The following ZNF326 variants were observed in gnomAD, a reference collection of about 807,000 sequenced individuals.
The protein encoded by ZNF326 is zinc finger protein 326.
A neutral mutation model predicts 63.1 loss-of-function variants in ZNF326; 30 were observed. The ratio of observed to expected loss-of-function variants is 0.48; its 90% confidence interval spans 0.36 to 0.64. The LOEUF is 0.64. ZNF326 is among the 30% of genes least tolerant of loss of function. The pLI is 0.00. For missense variants in ZNF326, 609 were observed against 720.3 expected, an observed-to-expected ratio of 0.85 and a Z score of 1.77; for synonymous variants, 194 against 228.2, an observed-to-expected ratio of 0.85 and a Z score of 1.35.
intron 6 of ZNF326, 27 bp downstream of exon 6, chr1:90,010,313 A>T: frequency 6.3e-7 from 1 of 1,593,564 alleles, no homozygotes; most frequent in Non-Finnish European, 8.5e-7. Context: ...AATTGCTATG[A>T]TTCAGGATAC....
intron 7 of ZNF326, among the ~76,000 whole-genome samples, chr1:90,017,028 C>T (rs1031681105): frequency 7.2e-5 from 11 of 152,100 alleles, no homozygotes; most frequent in Non-Finnish European, 1.3e-4. Flanking sequence ...TTTGTTTTGC[C>T]TTTTTAATTG....
intron 1 of ZNF326, among the ~76,000 whole-genome samples, chr1:89,997,181 T>C (rs1648419821): frequency 6.6e-6 from 1 of 152,238 alleles, no homozygotes; most frequent in Non-Finnish European, 1.5e-5. Context: ...AGGATTCTGT[T>C]GTATCCAGAT....
intron 7 of ZNF326, 111 bp downstream of exon 7, chr1:90,013,348 G>A: frequency 2.5e-6 from 2 of 811,992 alleles, no homozygotes; most frequent in Admixed American, 3.7e-5. Context: ...GAAAAGACTT[G>A]TTCAAAGATA....
chr1:90,008,925 A>AT (rs1649114720), intron 5 of ZNF326, among the ~76,000 whole-genome samples: 1 of 152,196 alleles, frequency 6.6e-6, no homozygotes, highest in Admixed American at 6.5e-5. Flanking sequence ...TGAGCATAGT[A>AT]TACAAATGTA....
At chr1:89,998,063 A>T in intron 1 of ZNF326, 47 bp from the exon 2 acceptor site, 1 of 1,553,238 alleles carries the variant, frequency 6.4e-7, no homozygotes, top group Non-Finnish European at 8.8e-7. Context: ...ATTTTGAATT[A>T]TTGCTAATAT....
At chr1:90,016,819 C>T (rs1649525238) in intron 7 of ZNF326, among the ~76,000 whole-genome samples, 1 of 152,106 alleles carries the variant, frequency 6.6e-6, no homozygotes, top group African/African-American at 2.4e-5. Context: ...TTGTCCAGTC[C>T]AGGCCTATTA....
intron 4 of ZNF326, chr1:90,006,594 T>G: frequency 4.4e-6 from 2 of 457,550 alleles, no homozygotes; most frequent in Non-Finnish European, 5.8e-6. Flanking sequence ...ATTTTGCAAA[T>G]AATTGAATAT....
In ZNF326 at chr1:90,013,173, G is replaced by T. The variant is rs750689581; in HGVS notation, c.862G>T (p.Ala288Ser). Residue 288 changes from alanine to serine, a missense_variant, in exon 7 of 12, where the codon GCT becomes TCT. By Grantham distance (99) the Ala-to-Ser change is moderately conservative. Transcript: ENST00000340281. ...NEEEEKRRIE[A>S]RREKQRRRRE... ...AGAGGAAGAAAAGCGGCGAATTGAG[G>T]CTCGGCGAGAGAAACAAAGGCGCAG... is the stretch of plus-strand genomic sequence containing the variant. 1.9e-6 allele frequency: 3 copies of T among 1,613,214 alleles called. No individual in the cohort carries two copies. The South Asian group carries it at 3.3e-5, about 18-fold the overall frequency.
At chr1:90,025,876 C>A (rs922091497) in intron 11 of ZNF326, among the ~76,000 whole-genome samples, 1 of 152,030 alleles carries the variant, frequency 6.6e-6, no homozygotes, top group African/African-American at 2.4e-5. Context: ...TATCATTTGA[C>A]ACTGTTGATC....
At chr1:89,998,046 G>A (rs939243758) in intron 1 of ZNF326, 64 bp from the exon 2 acceptor site, 35 of 1,439,740 alleles carry the variant, frequency 2.4e-5, no homozygotes, top group Admixed American at 5.6e-5. Flanking sequence ...TACTGGATCG[G>A]CATATAATTT....
chr1:90,003,384 G>T (rs1036432880), intron 2 of ZNF326, among the ~76,000 whole-genome samples: 1 of 151,974 alleles, frequency 6.6e-6, no homozygotes, highest in African/African-American at 2.4e-5. Context: ...TACCTGCCTC[G>T]ACCTCCCAAA....
intron 4 of ZNF326, chr1:90,006,377 C>A: frequency 1.0e-6 from 1 of 982,948 alleles, no homozygotes; most frequent in Non-Finnish European, 1.2e-6. Flanking sequence ...TAAGCTATAT[C>A]CGTAGATGTT....
chr1:90,021,412 A>G (rs1465594201), intron 10 of ZNF326, among the ~76,000 whole-genome samples: 1 of 152,174 alleles, frequency 6.6e-6, no homozygotes, highest in Non-Finnish European at 1.5e-5. Flanking sequence ...AGATTTGATT[A>G]TTACTGATAC....
intron 9 of ZNF326, among the ~76,000 whole-genome samples, chr1:90,020,415 A>G (rs147994016): frequency 2.1e-4 from 32 of 152,198 alleles, no homozygotes; most frequent in Admixed American, 2.0e-3. Flanking sequence ...TTATGAATCC[A>G]GTTTTGACAT....
At chr1:90,016,901 T>C (rs1649529090) in intron 7 of ZNF326, among the ~76,000 whole-genome samples, 1 of 152,214 alleles carries the variant, frequency 6.6e-6, no homozygotes, top group Non-Finnish European at 1.5e-5. Flanking sequence ...GAGTGAATTA[T>C]GATTGTCTGG....
rs1036531136 is a variant in ZNF326, at chr1:90,018,592, A to G, written c.1075-93A>G. 1.5e-5 allele frequency: 9 copies of G among 613,666 alleles called. No homozygotes were observed. In the African/African-American group the frequency reaches 1.5e-4, roughly 11 times the overall value. 38.0% of individuals were successfully genotyped at this position (613,666 alleles called of 1,614,324 possible). On this transcript the variant is annotated intron_variant, in intron 8 of 11. Coordinates refer to ENST00000340281, the MANE Select transcript of ZNF326 (RefSeq NM_182976.4). ...AAAGATGTTAATTCTTATGTAGCAGATACTGTATCTTCCATAGAATGAACA... is the reference window on the plus strand; with the variant it reads ...AAAGATGTTAATTCTTATGTAGCAGGTACTGTATCTTCCATAGAATGAACA...
intron 4 of ZNF326, chr1:90,006,026 A>G (rs1176559148): frequency 1.0e-6 from 1 of 985,316 alleles, no homozygotes; most frequent in East Asian, 1.1e-4. Flanking sequence ...AATATAAGTA[A>G]AACTAGTTAG....
intron 2 of ZNF326, among the ~76,000 whole-genome samples, chr1:90,000,297 G>A (rs187595698): frequency 2.0e-5 from 3 of 152,268 alleles, no homozygotes; most frequent in Non-Finnish European, 4.4e-5. Flanking sequence ...GGAAAACATG[G>A]CAAGATACAG....
At chr1:90,010,977 T>TA (rs1245285239) in intron 6 of ZNF326, among the ~76,000 whole-genome samples, 3 of 152,172 alleles carry the variant, frequency 2.0e-5, no homozygotes. Context: ...TGTCAATTGA[T>TA]AGACTGTTAT....
Sources: gnomAD v4.1 joint callset for allele counts (sites outside exome capture counted in the v4.1 genomes callset) on GRCh38, gnomAD v4.1.1 for gene constraint, MANE v1.5 for transcripts, NCBI Gene and HGNC (gene_info 2026-07-23, HGNC 2026-07-21) for gene names.